Variants in PPP2R3A observed in about 807,000 individuals in gnomAD.
PPP2R3A encodes the protein protein phosphatase 2 regulatory subunit B''alpha.
Under a neutral mutation model 106.9 loss-of-function variants are expected in PPP2R3A, and 80 were observed. The observed-to-expected ratio is 0.75, with a 90% confidence interval of 0.62 to 0.90. PPP2R3A has a LOEUF of 0.90. Among genes scored for constraint, PPP2R3A ranks in the 40% least tolerant of loss-of-function variants. The pLI is 0.00. For missense variants in PPP2R3A, 1,386 were observed against 1,350.4 expected, an observed-to-expected ratio of 1.03 and a Z score of -0.41; for synonymous variants, 483 against 468.3, an observed-to-expected ratio of 1.03 and a Z score of -0.41.
At chr3:136,111,939 T>C (rs1356409287) in intron 13 of PPP2R3A, among the ~76,000 whole-genome samples, 1 of 152,110 alleles carries the variant, frequency 6.6e-6, no homozygotes, top group Non-Finnish European at 1.5e-5. Flanking sequence ...AAAAAGCTAA[T>C]CCACCACAAT....
chr3:136,090,439 G>T, intron 9 of PPP2R3A, 139 bp from the exon 10 acceptor site: 7 of 605,160 alleles, frequency 1.2e-5, no homozygotes, highest in Non-Finnish European at 2.0e-5. Context: ...GGCTGTGGAA[G>T]GGTTGCCCTT....
chr3:135,966,475 C>T (rs747519814), intron 1 of PPP2R3A, among the ~76,000 whole-genome samples: 48 of 152,128 alleles, frequency 3.2e-4, no homozygotes, highest in Non-Finnish European at 5.9e-4. Flanking sequence ...GCTGGAGCGC[C>T]TCGGTGGGTC....
At chr3:136,036,168 G>C (rs925105909) in intron 3 of PPP2R3A, among the ~76,000 whole-genome samples, 2 of 151,876 alleles carry the variant, frequency 1.3e-5, no homozygotes, top group Non-Finnish European at 2.9e-5. Context: ...GCCTTTCTCT[G>C]GTGCCTCCCT....
At chr3:136,087,246 T>A (rs1253243379) in intron 8 of PPP2R3A, among the ~76,000 whole-genome samples, 6 of 20,848 alleles carry the variant, frequency 2.9e-4, no homozygotes, top group African/African-American at 2.0e-3. Flanking sequence ...TCTAGTCGTG[T>A]CTCTCTCTCT....
At chr3:135,995,827 T>G (rs2895804) in intron 1 of PPP2R3A, among the ~76,000 whole-genome samples, 1 of 152,212 alleles carries the variant, frequency 6.6e-6, no homozygotes, top group South Asian at 2.1e-4. Context: ...TAAAATACAG[T>G]GGAAATAATT....
chr3:136,049,204 T>C, intron 4 of PPP2R3A, 55 bp from the exon 5 acceptor site: 2 of 1,287,940 alleles, frequency 1.6e-6, no homozygotes, highest in South Asian at 1.3e-5. Flanking sequence ...ATTGATGTTA[T>C]TGTCATTGTT....
Position 136,145,328 on chromosome 3 carries a change from TTTAAC to T in PPP2R3A, c.*166_*170del. On this transcript the variant is annotated 3_prime_UTR_variant, in exon 14 of 14. Coordinates refer to ENST00000264977, the MANE Select transcript of PPP2R3A (RefSeq NM_002718.5). ...TTTAAGCAATAGGTCTGGATACACA[TTTAAC>T]TTAGGAGGCTCCTCCAATTTGCCTC... The T allele has an allele frequency of 1.1e-6, 1 of 894,508 alleles. No homozygotes were observed. The highest frequency in any genetic ancestry group is 1.6e-6 in the Non-Finnish European group (1 of 643,882). 55.4% of individuals were successfully genotyped at this position (894,508 alleles called of 1,614,324 possible).
intron 5 of PPP2R3A, among the ~76,000 whole-genome samples, chr3:136,058,967 T>C (rs1384759960): frequency 6.6e-6 from 1 of 152,188 alleles, no homozygotes; most frequent in Non-Finnish European, 1.5e-5. Flanking sequence ...ATGCCTTTCT[T>C]ATACCATATA....
At chr3:136,057,324 T>G (rs1935903653) in intron 5 of PPP2R3A, among the ~76,000 whole-genome samples, 1 of 152,092 alleles carries the variant, frequency 6.6e-6, no homozygotes, top group African/African-American at 2.4e-5. Flanking sequence ...AATGGAATAT[T>G]AGTCATAAAA....
chr3:135,966,334 C>T (rs1370826592), intron 1 of PPP2R3A, among the ~76,000 whole-genome samples: 2 of 152,200 alleles, frequency 1.3e-5, no homozygotes, highest in East Asian at 1.9e-4. Flanking sequence ...CAACCTCGGC[C>T]CGACTTGGCC....
At chr3:136,091,151 G>A (rs1307382269) in intron 10 of PPP2R3A, among the ~76,000 whole-genome samples, 1 of 152,120 alleles carries the variant, frequency 6.6e-6, no homozygotes, top group Admixed American at 6.5e-5. Context: ...TTCTTTCCAT[G>A]TCTTGTTTAG....
At position 136,027,098 on chromosome 3, in the gene PPP2R3A, GGTAAT is replaced by G; in HGVS notation, c.2262+5_2262+9del. On this transcript the variant is annotated splice_donor_variant and splice_donor_5th_base_variant and intron_variant, in intron 3 of 13. Coordinates refer to ENST00000264977, the MANE Select transcript of PPP2R3A (RefSeq NM_002718.5). LOFTEE classifies it high-confidence loss of function. ...TTTATGAAATGGGGAAAATTGCAAA[GGTAAT>G]GTAACTACTAAATGATTTACAATCT... The G allele has an allele frequency of 6.2e-7, 1 of 1,610,242 alleles. No individual in the cohort carries two copies. The highest frequency in any genetic ancestry group is 1.1e-5 in the South Asian group (1 of 90,542).
chr3:136,062,878 T>C (rs1180316494), intron 5 of PPP2R3A, among the ~76,000 whole-genome samples: 1 of 152,168 alleles, frequency 6.6e-6, no homozygotes, highest in Non-Finnish European at 1.5e-5. Context: ...GACATCCCCA[T>C]CAAGCTGCCA....
rs1311019525 is a variant in PPP2R3A, at chr3:136,145,258, C to T, written c.*92C>T. On this transcript the variant is annotated 3_prime_UTR_variant, in exon 14 of 14. Transcript: ENST00000264977. Reference sequence around the variant, plus strand: ...TCGTTTGCATACTGCTTTTTAAAGACTTTGATTTCTCCAAGTGTGTATCAT... The same window carrying T: ...TCGTTTGCATACTGCTTTTTAAAGATTTTGATTTCTCCAAGTGTGTATCAT... 8 of 1,430,196 alleles carry T rather than the reference C, an allele frequency of 5.6e-6. No homozygotes were observed. The African/African-American group carries it at 1.2e-4, about 21-fold the overall frequency. The allele number at this position is 1,430,196 out of a possible 1,614,324, so 88.6% of individuals were successfully genotyped here. A position where few individuals can be genotyped will look rare whatever the true frequency, so the allele number is the denominator to read the frequency against.
chr3:136,069,954 CA>C (rs1936374678), intron 5 of PPP2R3A, among the ~76,000 whole-genome samples: 1 of 152,108 alleles, frequency 6.6e-6, no homozygotes, highest in African/African-American at 2.4e-5. Context: ...TTTATCCACA[CA>C]ATTATGATAA....
At chr3:136,083,397 C>T (rs945271583) in intron 8 of PPP2R3A, among the ~76,000 whole-genome samples, 1 of 152,142 alleles carries the variant, frequency 6.6e-6, no homozygotes, top group Admixed American at 6.6e-5. Context: ...TTCCTCTGCA[C>T]ATGCTCTCTT....
intron 2 of PPP2R3A, among the ~76,000 whole-genome samples, chr3:136,012,175 T>G (rs1366688766): frequency 6.6e-6 from 1 of 152,138 alleles, no homozygotes; most frequent in Non-Finnish European, 1.5e-5. Context: ...ATGAGCAATC[T>G]CTAATTGAAT....
At chr3:136,025,232 T>C (rs1223547631) in intron 2 of PPP2R3A, among the ~76,000 whole-genome samples, 1 of 152,176 alleles carries the variant, frequency 6.6e-6, no homozygotes, top group Admixed American at 6.5e-5. Context: ...TTGTAATTTC[T>C]GTTTTATTAT....
At chr3:136,053,937 T>G (rs951165527) in intron 5 of PPP2R3A, among the ~76,000 whole-genome samples, 3 of 151,692 alleles carry the variant, frequency 2.0e-5, no homozygotes, top group African/African-American at 7.3e-5. Context: ...ATGAGGAAAA[T>G]GATCATCATT....
Sources: allele counts gnomAD v4.1 joint callset (sites outside exome capture counted in the v4.1 genomes callset), GRCh38; gene constraint gnomAD v4.1.1; transcripts MANE v1.5; gene names NCBI Gene and HGNC (gene_info 2026-07-23, HGNC 2026-07-21).